NRG1: variants seen among roughly 807,000 people sequenced by gnomAD.
The protein encoded by NRG1 is pro-neuregulin-1, membrane-bound isoform.
NRG1 carries 18 observed loss-of-function variants against 63.8 expected under a neutral mutation model. The ratio of observed to expected loss-of-function variants is 0.28; its 90% CI spans 0.19 to 0.42. The LOEUF is 0.42. Among genes scored for constraint, NRG1 ranks in the 10% least tolerant of loss-of-function variants. The pLI, the probability that NRG1 is intolerant of heterozygous loss-of-function variation, is 1.00. For synonymous variants in NRG1, 302 were observed against 301.3 expected, an observed-to-expected ratio of 1.00 and a Z score of -0.02; for missense variants, 762 against 814.7, an observed-to-expected ratio of 0.94 and a Z score of 0.79.
intron 5 of NRG1, among the ~76,000 whole-genome samples, chr8:32,703,395 A>G (rs1387628030): frequency 6.7e-6 from 1 of 148,532 alleles, no homozygotes; most frequent in Admixed American, 6.8e-5. Flanking sequence ...GTCCTATGAT[A>G]TTGTAGAGAT....
At chr8:31,663,357 G>T (rs1806199042) in intron 1 of NRG1, among the ~76,000 whole-genome samples, 2 of 152,124 alleles carry the variant, frequency 1.3e-5, no homozygotes, top group East Asian at 3.9e-4. Context: ...ATTTCTCTCA[G>T]CAGGGAAGCC....
chr8:32,079,621 A>C (rs1378487552), intron 1 of NRG1, among the ~76,000 whole-genome samples: 1 of 152,240 alleles, frequency 6.6e-6, no homozygotes, highest in Non-Finnish European at 1.5e-5. Flanking sequence ...TGCCAGAATT[A>C]CCATGTTTAC....
At chr8:32,214,197 A>T (rs559811655) in intron 1 of NRG1, among the ~76,000 whole-genome samples, 1 of 152,118 alleles carries the variant, frequency 6.6e-6, no homozygotes, top group African/African-American at 2.4e-5. Context: ...AGCTTTTCTT[A>T]TAGCTGTTTT....
At chr8:32,415,195 G>A (rs1815692194) in intron 1 of NRG1, among the ~76,000 whole-genome samples, 1 of 151,954 alleles carries the variant, frequency 6.6e-6, no homozygotes, top group Non-Finnish European at 1.5e-5. Context: ...ATCACCTGAG[G>A]TCAGGAGTTC....
intron 1 of NRG1, among the ~76,000 whole-genome samples, chr8:31,732,868 C>G (rs1814239327): frequency 2.6e-5 from 4 of 152,134 alleles, no homozygotes; most frequent in Admixed American, 2.6e-4. Context: ...CCACTGCACT[C>G]AAGCCTGGGT....
At chr8:31,789,539 T>A (rs1820492314) in intron 1 of NRG1, among the ~76,000 whole-genome samples, 1 of 152,172 alleles carries the variant, frequency 6.6e-6, no homozygotes, top group Non-Finnish European at 1.5e-5. Context: ...CATGACAATA[T>A]TAGCCAAAAA....
chr8:32,039,940 T>C (rs1819677552), intron 1 of NRG1, among the ~76,000 whole-genome samples: 5 of 152,060 alleles, frequency 3.3e-5, no homozygotes. Flanking sequence ...GAGGATTGCT[T>C]GAACCGAAGA....
intron 2 of NRG1, among the ~76,000 whole-genome samples, chr8:32,597,404 T>C (rs1292715132): frequency 6.6e-6 from 1 of 152,174 alleles, no homozygotes; most frequent in Non-Finnish European, 1.5e-5. Context: ...TAACTACACG[T>C]TGACTCTAGT....
intron 1 of NRG1, among the ~76,000 whole-genome samples, chr8:32,232,241 A>T (rs1458185098): frequency 2.0e-5 from 3 of 152,154 alleles, no homozygotes; most frequent in Admixed American, 2.0e-4. Context: ...GATTCAAATC[A>T]TTGAAGATGC....
chr8:32,727,575 A>C (rs1342912186), intron 5 of NRG1, among the ~76,000 whole-genome samples: 1 of 152,224 alleles, frequency 6.6e-6, no homozygotes, highest in Non-Finnish European at 1.5e-5. Context: ...ATAGATGTCT[A>C]AATTGAGCTG....
rs559405040 is a variant in NRG1 at position 32,409,906 on chromosome 8, G to C, written c.38-185922G>C. Among the ~76,000 whole-genome samples the C allele has an allele frequency of 2.6e-5, 4 of 152,244 alleles. No individual in the cohort carries two copies. The East Asian group carries it at 7.8e-4, about 30-fold the overall frequency. On this transcript the variant is annotated intron_variant, in intron 1 of 10. Coordinates refer to the NRG1 transcript ENST00000519301. Reference sequence around the variant, plus strand: ...CTTGCTGATGGATTTCTCCCAGCGAGAGAATCTCTTCAATGCATCTTTCAT... The same window carrying C: ...CTTGCTGATGGATTTCTCCCAGCGACAGAATCTCTTCAATGCATCTTTCAT...
At chr8:32,305,127 G>A (rs1320503650) in intron 1 of NRG1, among the ~76,000 whole-genome samples, 1 of 152,090 alleles carries the variant, frequency 6.6e-6, no homozygotes, top group Non-Finnish European at 1.5e-5. Context: ...CCACTTTGAA[G>A]AAGATTGTAG....
intron 1 of NRG1, among the ~76,000 whole-genome samples, chr8:32,022,608 G>T (rs998698979): frequency 1.3e-5 from 2 of 152,040 alleles, no homozygotes; most frequent in Non-Finnish European, 2.9e-5. Context: ...GAGTAAATAG[G>T]ACATTGTTTA....
chr8:32,545,551 A>C (rs1832991570), upstream of NRG1, among the ~76,000 whole-genome samples: 1 of 152,116 alleles, frequency 6.6e-6, no homozygotes. Flanking sequence ...GTTTTTTACA[A>C]ATGCAAAAGA....
intron 1 of NRG1, among the ~76,000 whole-genome samples, chr8:31,658,989 C>T (rs1214331888): frequency 2.0e-5 from 3 of 152,200 alleles, no homozygotes; most frequent in Non-Finnish European, 4.4e-5. Flanking sequence ...GTTTGTCGGT[C>T]TGCAGTGTTG....
At chr8:32,367,422 A>C (rs1808218613) in intron 1 of NRG1, among the ~76,000 whole-genome samples, 1 of 150,218 alleles carries the variant, frequency 6.7e-6, no homozygotes, top group Admixed American at 6.6e-5. Context: ...TTTTTTTCAG[A>C]TACCTGCTAG....
chr8:31,814,358 G>A (rs1313373737), intron 1 of NRG1, among the ~76,000 whole-genome samples: 1 of 152,160 alleles, frequency 6.6e-6, no homozygotes, highest in Non-Finnish European at 1.5e-5. Flanking sequence ...GCCTGAGCTT[G>A]GAAAATTCAT....
At chr8:32,226,986 G>A (rs1846392191) in intron 1 of NRG1, among the ~76,000 whole-genome samples, 1 of 152,190 alleles carries the variant, frequency 6.6e-6, no homozygotes, top group Non-Finnish European at 1.5e-5. Context: ...GCATAATTTT[G>A]TTTATTGTTT....
At chr8:32,557,413 T>C (rs1475266771) in intron 1 of NRG1, among the ~76,000 whole-genome samples, 2 of 152,258 alleles carry the variant, frequency 1.3e-5, no homozygotes, top group Non-Finnish European at 2.9e-5. Flanking sequence ...ATTGGGATTA[T>C]GCACAACATT....
Sources: gnomAD v4.1 joint callset for allele counts (sites outside exome capture counted in the v4.1 genomes callset) on GRCh38, gnomAD v4.1.1 for gene constraint, MANE v1.5 for transcripts, NCBI Gene and HGNC (gene_info 2026-07-23, HGNC 2026-07-21) for gene names.